The following RBCK1 variants were observed in gnomAD, a reference collection of about 807,000 sequenced individuals.
RBCK1 encodes RANBP2-type and C3HC4-type zinc finger containing 1, also known as ranBP-type and C3HC4-type zinc finger-containing protein 1.
Under a neutral mutation model 71.1 loss-of-function variants are expected in RBCK1, and 44 were observed. That is an observed-to-expected ratio of 0.62 (90% CI 0.49 to 0.80). The LOEUF (loss-of-function observed/expected upper bound fraction) is 0.80, where lower values mean the gene tolerates loss of function less well. Ranked by LOEUF, RBCK1 falls within the 30% of genes least tolerant of loss-of-function variation. RBCK1 has a pLI of 0.00. For missense variants in RBCK1, 569 were observed against 685.0 expected (o/e 0.83, Z 1.89); for synonymous variants, 306 against 279.7 (o/e 1.09, Z -0.94).
chr20:416,061 G>A (rs2015965806), intron 2 of RBCK1, among the ~76,000 whole-genome samples: 1 of 151,992 alleles, frequency 6.6e-6, no homozygotes, highest in African/African-American at 2.4e-5. Context: ...TTTGGGCAGG[G>A]ACAAATACCC....
chr20:414,918 T>C (rs2015902126), intron 2 of RBCK1, among the ~76,000 whole-genome samples: 1 of 152,262 alleles, frequency 6.6e-6, no homozygotes, highest in Non-Finnish European at 1.5e-5. Flanking sequence ...TTTTAGAGTC[T>C]TTGCATGTTT....
At chr20:427,027 G>T (rs931265877) in intron 8 of RBCK1, among the ~76,000 whole-genome samples, 4 of 151,468 alleles carry the variant, frequency 2.6e-5, no homozygotes, top group Admixed American at 1.3e-4. Context: ...TAGAGATGAG[G>T]TCTCACTGTA....
intron 7 of RBCK1, chr20:421,899 T>G: frequency 1.9e-6 from 1 of 513,718 alleles, no homozygotes; most frequent in East Asian, 3.2e-5. Flanking sequence ...GTCACCCAGG[T>G]GGGGGATGTG....
In RBCK1 at chr20:422,312, A is replaced by C; in HGVS notation, c.1029+74A>C. 3 of 1,243,104 alleles carry C rather than the reference A, an allele frequency of 2.4e-6. No homozygotes were observed. The highest frequency in any genetic ancestry group is 1.2e-6 in the Non-Finnish European group (1 of 867,680). 77.0% of individuals were successfully genotyped at this position (1,243,104 alleles called of 1,614,324 possible). A position where few individuals can be genotyped will look rare whatever the true frequency, so the allele number is the denominator to read the frequency against. ...ACTGGGCCCTGAGCAGGCAGCAGAC[A>C]TCTTTCTTTTCTTTCTTTTTTTTTT... On this transcript the variant is annotated intron_variant, in intron 8 of 11. Transcript: ENST00000356286. The surrounding 1 kb of genome is among the most constrained non-coding windows in gnomAD (Gnocchi z 5.0).
At position 408,651 on chromosome 20, in the gene RBCK1, C is replaced by A; in HGVS notation, c.-107C>A. 4 of 1,471,782 alleles carry A rather than the reference C, an allele frequency of 2.7e-6. No individual in the cohort carries two copies. The highest frequency in any genetic ancestry group is 2.8e-6 in the Non-Finnish European group (3 of 1,074,446). The allele number at this position is 1,471,782 out of a possible 1,614,324, so 91.2% of individuals were successfully genotyped here. A position where few individuals can be genotyped will look rare whatever the true frequency, so the allele number is the denominator to read the frequency against. ...GGCTTGGGCCGCGCCGGAGGCCACA[C>A]GGCCTGGCTGAGTTGCTCCTGGTCT... On this transcript the variant is annotated 5_prime_UTR_variant, in exon 1 of 12. Transcript: ENST00000356286.
intron 8 of RBCK1, among the ~76,000 whole-genome samples, chr20:425,623 A>ATTTTTTTTTTTTTTTTTTTTTTT (rs200677519): frequency 7.7e-6 from 1 of 130,068 alleles, no homozygotes. Flanking sequence ...TGCATGGTGT[A>ATTTTTTTTTTTTTTTTTTTTTTT]TTCTTTTTTT....
intron 11 of RBCK1, 132 bp downstream of exon 11, chr20:429,226 A>AATTT: frequency 1.0e-6 from 1 of 1,002,914 alleles, no homozygotes. Context: ...CGAGGTAAGA[A>AATTT]TTTTTTTTTT....
At position 430,553 on chromosome 20, in the gene RBCK1, C is replaced by T. The variant is rs542666766; in HGVS notation, c.*123C>T. On this transcript the variant is annotated 3_prime_UTR_variant, in exon 12 of 12. Transcript: ENST00000356286. This position sits in a 1 kb window ranked among gnomAD's most constrained non-coding sequence, Gnocchi z 5.6. ...CGTTGTAGGGGCCCTGCCTGCACTG[C>T]GGTTGTCCACGGTCACATCTGCCCC... 635 of 908,918 alleles carry T rather than the reference C, an allele frequency of 7.0e-4. 7 individuals carry two copies. The South Asian group carries it at 7.7e-3, about 11-fold the overall frequency. 56.3% of individuals were successfully genotyped at this position (908,918 alleles called of 1,614,324 possible).
At chr20:429,663 G>C (rs1281721033) in intron 11 of RBCK1, among the ~76,000 whole-genome samples, 1 of 152,230 alleles carries the variant, frequency 6.6e-6, no homozygotes, top group Non-Finnish European at 1.5e-5. Flanking sequence ...TCATTCACAT[G>C]TTGGCTGTGG....
chr20:420,143 C>G (rs1317948845), intron 6 of RBCK1: 5 of 984,962 alleles, frequency 5.1e-6, no homozygotes, highest in Non-Finnish European at 6.0e-6. Flanking sequence ...TCCACCTCGC[C>G]GTGACCTCAC....
intron 2 of RBCK1, among the ~76,000 whole-genome samples, chr20:410,246 G>A (rs764085122): frequency 7.9e-5 from 12 of 152,192 alleles, no homozygotes; most frequent in Admixed American, 3.3e-4. Flanking sequence ...TCATAGGGTT[G>A]TTAGGAGGTG....
rs2017006355 is a variant in RBCK1, at chr20:431,304, G to GTAGA, written c.*878_*881dup. On this transcript the variant is annotated 3_prime_UTR_variant, in exon 12 of 12. Coordinates refer to ENST00000356286, the MANE Select transcript of RBCK1 (RefSeq NM_031229.4). This position sits in a 1 kb window ranked among gnomAD's most constrained non-coding sequence, Gnocchi z 4.8. ...CTCAGCAGGCATCTAGGGTTGGCAGGTAGATAGTTCAAGAAGGAACGAAGC... is the reference window on the plus strand; with the variant it reads ...CTCAGCAGGCATCTAGGGTTGGCAGGTAGATAGATAGTTCAAGAAGGAACGAAGC... Among the ~76,000 whole-genome samples the GTAGA allele has an allele frequency of 6.6e-6, 1 of 152,118 alleles. No individual in the cohort carries two copies. Among genetic ancestry groups the GTAGA allele is most frequent in the African/African-American group, 2.4e-5 (1 of 41,410 alleles).
Position 428,786 on chromosome 20 carries a change from C to G in RBCK1, c.1309-165C>G. Reference sequence around the variant, plus strand: ...GAGCGTCTGGGTGGAGGGTGGAGACCACAGGAATGAAGAGGGGGTTGCTGG... The same window carrying G: ...GAGCGTCTGGGTGGAGGGTGGAGACGACAGGAATGAAGAGGGGGTTGCTGG... On this transcript the variant is annotated intron_variant, in intron 10 of 11. Coordinates refer to ENST00000356286, the MANE Select transcript of RBCK1 (RefSeq NM_031229.4). The surrounding 1 kb of genome is among the most constrained non-coding windows in gnomAD (Gnocchi z 5.7). The G allele has an allele frequency of 7.0e-7, 1 of 1,429,384 alleles. No individual in the cohort carries two copies. Among genetic ancestry groups the G allele is most frequent in the Non-Finnish European group, 9.2e-7 (1 of 1,092,228 alleles). 88.5% of individuals were successfully genotyped at this position (1,429,384 alleles called of 1,614,324 possible). A position where few individuals can be genotyped will look rare whatever the true frequency, so the allele number is the denominator to read the frequency against.
In RBCK1 at chr20:420,953, C is replaced by T. The variant is rs1331848000; in HGVS notation, c.839C>T (p.Ala280Val). The change falls in exon 7 of 12, where the codon GCC (alanine) becomes GTC (valine). Residue 280 changes from alanine (A) to valine (V), a missense_variant. Physicochemically the swap from Ala to Val is moderately conservative, Grantham distance 64 (BLOSUM62 0). Around this residue, in one of 2 missense-constraint regions of RBCK1, gnomAD observed 358 missense variants for 375.6 expected, o/e 0.95. Coordinates refer to ENST00000356286, the MANE Select transcript of RBCK1 (RefSeq NM_031229.4). Reference protein sequence around the residue: ...QRSLVLNTEPAECPVCYSVLA... With the variant: ...QRSLVLNTEPVECPVCYSVLA... ...AGCCTGGTGCTGAACACGGAGCCCG[C>T]CGAGTGCCCCGTGTGCTACTCGGTG... 38 of 1,556,922 alleles carry T rather than the reference C, an allele frequency of 2.4e-5. No individual in the cohort carries two copies. Among genetic ancestry groups the T allele is most frequent in the Non-Finnish European group, 3.0e-5 (35 of 1,151,846 alleles).
intron 2 of RBCK1, among the ~76,000 whole-genome samples, chr20:413,444 T>G (rs1264999724): frequency 2.0e-5 from 3 of 152,240 alleles, no homozygotes; most frequent in African/African-American, 7.2e-5. Flanking sequence ...ACCTGTGTAC[T>G]CCTTGCTATG....
chr20:428,318 G>A lies in RBCK1; in HGVS notation c.1210-173G>A, dbSNP rs1466872099. ...GTGATGACCTTGACTTCACCTCCCT[G>A]GCGCCAATATCCTCTTCTGTAAAAT... On this transcript the variant is annotated intron_variant, in intron 9 of 11. Coordinates refer to ENST00000356286, the MANE Select transcript of RBCK1 (RefSeq NM_031229.4). This position sits in a 1 kb window ranked among gnomAD's most constrained non-coding sequence, Gnocchi z 5.7. Among the ~76,000 whole-genome samples, 1 of 152,174 alleles carries A rather than the reference G, an allele frequency of 6.6e-6. No individual in the cohort carries two copies. Among genetic ancestry groups the A allele is most frequent in the Non-Finnish European group, 1.5e-5 (1 of 68,020 alleles).
chr20:417,778 T>C lies in RBCK1; in HGVS notation c.308T>C (p.Ile103Thr), dbSNP rs369877444. ...GFPPVLQQWV[I>T]GQRLARDQET... ...CCACCAGTCTTGCAGCAGTGGGTGA[T>C]TGGGCAGCGGCTGGCACGAGACCAG... Residue 103 changes from isoleucine to threonine, a missense_variant, in exon 4 of 12, where the codon ATT (isoleucine) becomes ACT (threonine). Ile to Thr is a moderately conservative substitution (Grantham distance 89). Around this residue, in one of 2 missense-constraint regions of RBCK1, gnomAD observed 358 missense variants for 375.6 expected, o/e 0.95. Transcript: ENST00000356286. The surrounding 1 kb of genome is among the most constrained non-coding windows in gnomAD (Gnocchi z 4.7). 3.1e-6 allele frequency: 5 copies of C among 1,613,922 alleles called. No individual in the cohort carries two copies. Among genetic ancestry groups the C allele is most frequent in the Non-Finnish European group, 3.4e-6 (4 of 1,179,962 alleles).
intron 2 of RBCK1, among the ~76,000 whole-genome samples, chr20:416,338 T>C (rs2015991993): frequency 6.6e-6 from 1 of 151,954 alleles, no homozygotes; most frequent in Non-Finnish European, 1.5e-5. Flanking sequence ...TTTTTTGTAT[T>C]TTTAGTAGAG....
At chr20:419,246 A>T in intron 4 of RBCK1, 101 bp from the exon 5 acceptor site, 1 of 1,505,396 alleles carries the variant, frequency 6.6e-7, no homozygotes. Context: ...GAGGGAGAGG[A>T]TAGGGGGAGG....
Sources: allele counts gnomAD v4.1 joint callset (sites outside exome capture counted in the v4.1 genomes callset), GRCh38; gene constraint gnomAD v4.1.1; regional missense constraint gnomAD v4.1.1; non-coding constraint Gnocchi (gnomAD v3.1); transcripts MANE v1.5; gene names NCBI Gene and HGNC (gene_info 2026-07-23, HGNC 2026-07-21).